Variants in DPH6 observed in about 807,000 individuals in gnomAD.
DPH6 encodes the protein diphthine--ammonia ligase.
Under a neutral mutation model 38.2 loss-of-function variants are expected in DPH6, and 33 were observed. That is an observed-to-expected ratio of 0.86 (90% confidence interval 0.65 to 1.15). The LOEUF (loss-of-function observed/expected upper bound fraction) is 1.15, where lower values mean the gene tolerates loss of function less well. Ranked by LOEUF, DPH6 falls within the 50% of genes most tolerant of loss-of-function variation. The pLI, the probability that DPH6 is intolerant of heterozygous loss-of-function variation, is 0.00. For synonymous variants in DPH6, 108 were observed against 103.0 expected (o/e 1.05, Z -0.30); for missense variants, 325 against 320.0 (o/e 1.02, Z -0.12).
intron 3 of DPH6, among the ~76,000 whole-genome samples, chr15:35,476,419 CT>C (rs909368545): frequency 2.6e-5 from 4 of 151,714 alleles, no homozygotes; most frequent in Admixed American, 2.6e-4. Context: ...TATGGTCTCA[CT>C]TTTTATAAAG....
In DPH6 at chr15:35,355,068, T is replaced by A. The variant is rs947616053; in HGVS notation, n.207+18453A>T. On this transcript the variant is annotated intron_variant and non_coding_transcript_variant, in intron 3 of 3. Transcript: ENST00000558973. ...CCTTCTTTGTCTCTTTTGATATTTG[T>A]TGGTTTAAAGTCTGTTTTATCATAG... Among the ~76,000 whole-genome samples, 10 of 152,230 alleles carry A rather than the reference T, an allele frequency of 6.6e-5. 1 individual carries two copies. The highest frequency in any genetic ancestry group is 2.4e-4 in the African/African-American group (10 of 41,446).
intron 2 of DPH6, among the ~76,000 whole-genome samples, chr15:35,540,403 T>C (rs2055235321): frequency 6.6e-6 from 1 of 152,102 alleles, no homozygotes; most frequent in Non-Finnish European, 1.5e-5. Context: ...GTAACTTTGC[T>C]GGACATTGGA....
chr15:35,373,590 G>A lies in DPH6; in HGVS notation c.681C>T (p.Val227=), dbSNP rs2052741360. The change falls in exon 8 of 9, where the codon GTC becomes GTT. Residue 227 remains valine (V), a synonymous_variant. Coordinates refer to ENST00000256538, the MANE Select transcript of DPH6 (RefSeq NM_080650.4). ...KKIIVDSSEV[V]IHSADAFAPV... is the part of the protein sequence containing the mutation. ...GTGCAAATGCATCAGCTGAATGTAT[G>A]ACTACTTCTGATGAATCCCTGAAAT... 1.2e-6 allele frequency: 2 copies of A among 1,608,034 alleles called. No individual in the cohort carries two copies. The highest frequency in any genetic ancestry group is 8.5e-7 in the Non-Finnish European group (1 of 1,177,274).
intron 3 of DPH6, among the ~76,000 whole-genome samples, chr15:35,525,806 C>A (rs184916419): frequency 1.3e-4 from 20 of 152,184 alleles, no homozygotes; most frequent in Admixed American, 9.8e-4. Flanking sequence ...CTCCACTGCA[C>A]CCCAGCCTGG....
downstream of DPH6, among the ~76,000 whole-genome samples, chr15:35,215,485 C>T (rs141589169): frequency 2.0e-5 from 3 of 152,208 alleles, no homozygotes; most frequent in East Asian, 5.8e-4. Flanking sequence ...AACTCTTGGG[C>T]TCTTACTCCC....
intron 3 of DPH6, among the ~76,000 whole-genome samples, chr15:35,260,546 T>A (rs2051739855): frequency 6.6e-6 from 1 of 151,224 alleles, no homozygotes; most frequent in African/African-American, 2.4e-5. Flanking sequence ...TATTAGATAA[T>A]ATTAAACTTA....
chr15:35,406,691 C>T (rs2053298207), intron 6 of DPH6, among the ~76,000 whole-genome samples: 1 of 151,932 alleles, frequency 6.6e-6, no homozygotes, highest in African/African-American at 2.4e-5. Flanking sequence ...AACAACTGAG[C>T]AGACAATGGG....
chr15:35,321,957 A>C (rs2052244139), intron 3 of DPH6, among the ~76,000 whole-genome samples: 1 of 152,108 alleles, frequency 6.6e-6, no homozygotes, highest in Admixed American at 6.6e-5. Flanking sequence ...TAGGGTTTTT[A>C]TGGAGAATTT....
At chr15:35,440,166 C>G (rs1419677370) in intron 5 of DPH6, among the ~76,000 whole-genome samples, 1 of 152,156 alleles carries the variant, frequency 6.6e-6, no homozygotes, top group East Asian at 1.9e-4. Context: ...TATTTTAATT[C>G]TGAGCAATTA....
At chr15:35,400,579 C>G (rs1396418830) in intron 6 of DPH6, 2 of 369,694 alleles carry the variant, frequency 5.4e-6, no homozygotes, top group Non-Finnish European at 9.9e-6. Flanking sequence ...CACTGAAGAA[C>G]CATTTGAGAA....
intron 3 of DPH6, among the ~76,000 whole-genome samples, chr15:35,533,602 T>A (rs938821198): frequency 1.3e-5 from 2 of 151,870 alleles, no homozygotes; most frequent in Admixed American, 6.6e-5. Context: ...TATCTAGTTA[T>A]CTTGAATCTA....
chr15:35,383,033 C>A lies in DPH6; in HGVS notation c.568-1117G>T, dbSNP rs536237437. On this transcript the variant is annotated intron_variant, in intron 6 of 8. Transcript: ENST00000256538. ...ACTCTATGCTATTCACCCTTTCTAA[C>A]AACTTTCCACCAAATGAACTTTCTA... Among the ~76,000 whole-genome samples the A allele has an allele frequency of 5.3e-5, 8 of 152,264 alleles. No homozygotes were observed. In the South Asian group the frequency reaches 1.5e-3, roughly 28 times the overall value.
chr15:35,237,883 G>A (rs1372876456), intron 3 of DPH6: 3 of 1,445,818 alleles, frequency 2.1e-6, no homozygotes, highest in East Asian at 2.3e-5. Context: ...CTCAGGTAGT[G>A]GAGGACGAGG....
intron 3 of DPH6, among the ~76,000 whole-genome samples, chr15:35,338,270 G>T (rs557861899): frequency 8.7e-4 from 132 of 151,664 alleles, no homozygotes; most frequent in African/African-American, 3.0e-3. Context: ...GAAAATTTTC[G>T]CAACCTACTC....
chr15:35,486,061 A>T (rs1343480669), intron 3 of DPH6, among the ~76,000 whole-genome samples: 1 of 152,232 alleles, frequency 6.6e-6, no homozygotes, highest in African/African-American at 2.4e-5. Flanking sequence ...GGTAATTTAT[A>T]AAGGAAAGAG....
intron 6 of DPH6, among the ~76,000 whole-genome samples, chr15:35,382,343 G>A (rs868753718): frequency 2.0e-5 from 3 of 152,194 alleles, no homozygotes; most frequent in Middle Eastern, 3.2e-3. Flanking sequence ...GGCCGAGGCG[G>A]GAGAATGGCG....
chr15:35,538,204 A>G, intron 3 of DPH6, 70 bp downstream of exon 3: 1 of 1,294,726 alleles, frequency 7.7e-7, no homozygotes, highest in Non-Finnish European at 1.0e-6. Context: ...GGATTACTAA[A>G]TAATTCGGCA....
intron 3 of DPH6, among the ~76,000 whole-genome samples, chr15:35,257,270 T>C (rs1039004658): frequency 1.3e-5 from 2 of 152,154 alleles, no homozygotes; most frequent in East Asian, 3.9e-4. Flanking sequence ...GGGAAAAATT[T>C]ATGGGGCTGG....
intron 3 of DPH6, among the ~76,000 whole-genome samples, chr15:35,224,534 C>A (rs961021378): frequency 6.6e-6 from 1 of 152,170 alleles, no homozygotes; most frequent in Non-Finnish European, 1.5e-5. Context: ...TACGAACATT[C>A]ATGTATTGGT....
Sources: allele counts gnomAD v4.1 joint callset (sites outside exome capture counted in the v4.1 genomes callset), GRCh38; gene constraint gnomAD v4.1.1; transcripts MANE v1.5; gene names NCBI Gene and HGNC (gene_info 2026-07-23, HGNC 2026-07-21).